Variants in PTPRG observed in about 807,000 individuals in gnomAD.
The protein encoded by PTPRG is receptor-type tyrosine-protein phosphatase gamma.
Under a neutral mutation model 165.3 loss-of-function variants are expected in PTPRG, and 102 were observed. The observed-to-expected ratio is 0.62, with a 90% CI of 0.53 to 0.73. The LOEUF is 0.73. PTPRG is among the 30% of genes least tolerant of loss of function. PTPRG has a pLI of 0.00. For missense variants in PTPRG, 1,866 were observed against 1,861.4 expected, an observed-to-expected ratio of 1.00 and a Z score of -0.05; for synonymous variants, 675 against 669.5, an observed-to-expected ratio of 1.01 and a Z score of -0.13.
intron 2 of PTPRG, among the ~76,000 whole-genome samples, chr3:61,757,644 C>T (rs1320300909): frequency 6.6e-6 from 1 of 151,938 alleles, no homozygotes; most frequent in Non-Finnish European, 1.5e-5. Flanking sequence ...ATTGACCCAG[C>T]CAAAGATAAG....
chr3:62,172,399 T>C (rs1452578624), intron 8 of PTPRG, among the ~76,000 whole-genome samples: 1 of 152,228 alleles, frequency 6.6e-6, no homozygotes, highest in Admixed American at 6.5e-5. Flanking sequence ...CTCCATATCC[T>C]CACCAACACT....
intron 4 of PTPRG, among the ~76,000 whole-genome samples, chr3:62,052,801 CAAAAG>C (rs1258343400): frequency 3.3e-5 from 5 of 152,104 alleles, no homozygotes; most frequent in East Asian, 1.9e-4. Context: ...TTTAAAAAGA[CAAAAG>C]AGAAGAAGAA....
At position 62,173,507 on chromosome 3, in the gene PTPRG, C is replaced by T. The variant is rs573440064; in HGVS notation, c.1033+5344C>T. Among the ~76,000 whole-genome samples the T allele has an allele frequency of 2.6e-5, 4 of 152,210 alleles. No individual in the cohort carries two copies. In the South Asian group the frequency reaches 8.3e-4, roughly 32 times the overall value. ...AGTAGCTTAAACTGAGTTGGAGAACCCTAAATGGGGAAATCATAGGCTTGT... is the reference window on the plus strand; with the variant it reads ...AGTAGCTTAAACTGAGTTGGAGAACTCTAAATGGGGAAATCATAGGCTTGT... On this transcript the variant is annotated intron_variant, in intron 8 of 29. Transcript: ENST00000474889.
chr3:61,713,217 G>C (rs1399303963), intron 1 of PTPRG, among the ~76,000 whole-genome samples: 3 of 150,632 alleles, frequency 2.0e-5, no homozygotes, highest in African/African-American at 7.4e-5. Context: ...CTGGAGTGCA[G>C]TGGCACGATC....
intron 10 of PTPRG, among the ~76,000 whole-genome samples, chr3:62,198,071 T>C (rs1456737617): frequency 6.6e-6 from 1 of 152,256 alleles, no homozygotes; most frequent in Non-Finnish European, 1.5e-5. Context: ...CCACATGGAA[T>C]ATTTACCATA....
intron 8 of PTPRG, among the ~76,000 whole-genome samples, chr3:62,177,898 A>T (rs905201913): frequency 6.6e-6 from 1 of 152,088 alleles, no homozygotes; most frequent in African/African-American, 2.4e-5. Context: ...GCGATATGTG[A>T]TTTTTCCCCC....
At chr3:61,948,338 G>GA (rs2039815711) in intron 2 of PTPRG, among the ~76,000 whole-genome samples, 3 of 151,516 alleles carry the variant, frequency 2.0e-5, no homozygotes, top group Non-Finnish European at 4.4e-5. Flanking sequence ...AAAAAAAAAA[G>GA]AAGGAAACTG....
chr3:61,735,669 A>C (rs2032692858), intron 1 of PTPRG, among the ~76,000 whole-genome samples: 2 of 152,016 alleles, frequency 1.3e-5, no homozygotes, highest in African/African-American at 4.8e-5. Context: ...TGTATTTGGA[A>C]TTTTTCTACC....
At chr3:61,573,312 A>G (rs934989592) in intron 1 of PTPRG, among the ~76,000 whole-genome samples, 1 of 152,220 alleles carries the variant, frequency 6.6e-6, no homozygotes, top group African/African-American at 2.4e-5. Flanking sequence ...GAGTACATTA[A>G]TATTGGAGAT....
chr3:62,126,549 G>T (rs1182187099), intron 5 of PTPRG, among the ~76,000 whole-genome samples: 1 of 152,178 alleles, frequency 6.6e-6, no homozygotes, highest in Non-Finnish European at 1.5e-5. Context: ...AGTCCTAGGA[G>T]TCTGTCCCTG....
At chr3:61,848,295 T>A (rs986106532) in intron 2 of PTPRG, among the ~76,000 whole-genome samples, 1 of 152,220 alleles carries the variant, frequency 6.6e-6, no homozygotes, top group Non-Finnish European at 1.5e-5. Context: ...TGGGTGGGGC[T>A]GAAGTCACAG....
chr3:61,959,435 G>A (rs1245003240), intron 2 of PTPRG, among the ~76,000 whole-genome samples: 1 of 152,186 alleles, frequency 6.6e-6, no homozygotes, highest in African/African-American at 2.4e-5. Context: ...CAGATCATCA[G>A]GCACGTGCAA....
At chr3:61,625,781 G>A (rs1701591036) in intron 1 of PTPRG, among the ~76,000 whole-genome samples, 1 of 152,122 alleles carries the variant, frequency 6.6e-6, no homozygotes, top group Non-Finnish European at 1.5e-5. Context: ...TCCAACATAA[G>A]CTCAGTAAGG....
intron 23 of PTPRG, 152 bp from the exon 24 acceptor site, chr3:62,275,721 C>A: frequency 1.8e-6 from 1 of 570,034 alleles, no homozygotes; most frequent in Non-Finnish European, 3.1e-6. Flanking sequence ...CCAGCCTGGG[C>A]AAGAGAGCAA....
At chr3:62,204,312 G>A (rs1700172716) in intron 12 of PTPRG, among the ~76,000 whole-genome samples, 1 of 152,098 alleles carries the variant, frequency 6.6e-6, no homozygotes. Flanking sequence ...TCTACAAATG[G>A]CTAGTTTGGT....
intron 2 of PTPRG, among the ~76,000 whole-genome samples, chr3:61,850,672 T>C (rs1249898216): frequency 6.6e-6 from 1 of 152,206 alleles, no homozygotes; most frequent in Non-Finnish European, 1.5e-5. Flanking sequence ...TCTCCTTTAC[T>C]AGATGTTTAT....
chr3:61,631,668 A>T (rs1701778537), intron 1 of PTPRG, among the ~76,000 whole-genome samples: 2 of 152,190 alleles, frequency 1.3e-5, no homozygotes, highest in African/African-American at 4.8e-5. Context: ...CATGTTGCCA[A>T]AGTTTTTAAG....
chr3:61,984,577 C>T (rs2040712910), intron 2 of PTPRG, among the ~76,000 whole-genome samples: 1 of 152,168 alleles, frequency 6.6e-6, no homozygotes, highest in Non-Finnish European at 1.5e-5. Context: ...TTTTACTTGG[C>T]TTCTATGCAG....
At chr3:62,272,913 A>G in intron 21 of PTPRG, 33 bp from the exon 22 acceptor site, 9 of 1,543,018 alleles carry the variant, frequency 5.8e-6, no homozygotes, top group Non-Finnish European at 7.9e-6. Flanking sequence ...TGATAAAACA[A>G]AAGTGCCAGT....
Sources: allele counts gnomAD v4.1 joint callset (sites outside exome capture counted in the v4.1 genomes callset), GRCh38; gene constraint gnomAD v4.1.1; transcripts MANE v1.5; gene names NCBI Gene and HGNC (gene_info 2026-07-23, HGNC 2026-07-21).